The following TNRC6C variants were observed in gnomAD, a reference collection of about 807,000 sequenced individuals.
The protein encoded by TNRC6C is trinucleotide repeat containing adaptor 6C.
TNRC6C carries 20 observed loss-of-function variants against 153.7 expected under a neutral mutation model. The observed-to-expected ratio is 0.13, with a 90% CI of 0.09 to 0.19. TNRC6C has a LOEUF of 0.19. Among genes scored for constraint, TNRC6C ranks in the 10% least tolerant of loss-of-function variants. The pLI is 1.00. For missense variants in TNRC6C, 1,987 were observed against 2,172.0 expected, an observed-to-expected ratio of 0.91 and a Z score of 1.69; for synonymous variants, 811 against 841.4, an observed-to-expected ratio of 0.96 and a Z score of 0.63.
At chr17:78,107,245 G>A (rs1030402746) in exon 20 of TNRC6C, 1 of 152,030 alleles carries the variant, frequency 6.6e-6, no homozygotes, top group African/African-American at 2.4e-5. Context: ...GGGTTTTGTT[G>A]GGTTTGAGGG....
At chr17:78,057,879 T>G (rs895219855) in intron 3 of TNRC6C, among the ~76,000 whole-genome samples, 1 of 152,172 alleles carries the variant, frequency 6.6e-6, no homozygotes, top group Non-Finnish European at 1.5e-5. Flanking sequence ...ACAATCATTT[T>G]TGTCCTATGC....
intron 1 of TNRC6C, chr17:78,011,910 C>T (rs1192837890): frequency 6.6e-6 from 1 of 152,148 alleles, no homozygotes; most frequent in Non-Finnish European, 1.5e-5. Flanking sequence ...ACTAATGTGG[C>T]ACTTTATTTT....
At chr17:78,076,398 A>C (rs1352207386) in intron 8 of TNRC6C, among the ~76,000 whole-genome samples, 5 of 152,206 alleles carry the variant, frequency 3.3e-5, no homozygotes, top group African/African-American at 1.2e-4. Context: ...ACTGAGTTCA[A>C]ACTCAGGATG....
intron 1 of TNRC6C, among the ~76,000 whole-genome samples, chr17:78,029,799 A>G (rs1023754794): frequency 3.8e-5 from 5 of 131,418 alleles, no homozygotes; most frequent in South Asian, 2.5e-4. Context: ...TAAACTTATT[A>G]AAAACCTAGA....
At chr17:78,055,826 A>G (rs1407586883) in intron 3 of TNRC6C, among the ~76,000 whole-genome samples, 1 of 152,100 alleles carries the variant, frequency 6.6e-6, no homozygotes, top group African/African-American at 2.4e-5. Flanking sequence ...GCCTCATTTT[A>G]CAAATGAGAC....
At chr17:78,065,081 C>A (rs1421520567) in intron 4 of TNRC6C, 144 bp downstream of exon 6, 2 of 975,710 alleles carry the variant, frequency 2.0e-6, no homozygotes, top group Non-Finnish European at 1.5e-6. Context: ...AAGCACAGTG[C>A]CTCACACCTA....
At chr17:78,091,589 C>A in exon 14 of TNRC6C, 1 of 1,566,082 alleles carries the variant, frequency 6.4e-7, no homozygotes, top group Non-Finnish European at 8.6e-7. Context: ...CCCCCTGGAG[C>A]AGAACCCTAG....
Position 78,067,748 on chromosome 17 carries a change from T to C in TNRC6C, c.2612-9T>C. The C allele has an allele frequency of 6.2e-7, 1 of 1,600,510 alleles. No individual in the cohort carries two copies. On this transcript the variant is annotated splice_polypyrimidine_tract_variant and intron_variant, in intron 4 of 19. Transcript: ENST00000301624. The stretch of plus-strand genomic sequence containing the variant: ...GAATTTGATAAGTTCATGTTTGCTC[T>C]GTTTCTAGCTTCAAAATCTATGCAA...
At chr17:77,974,746 G>A (rs551376954) in intron 1 of TNRC6C, among the ~76,000 whole-genome samples, 1 of 152,190 alleles carries the variant, frequency 6.6e-6, no homozygotes, top group Non-Finnish European at 1.5e-5. Flanking sequence ...ATTATGTCTT[G>A]TTTCTCTGCT....
intron 16 of TNRC6C, among the ~76,000 whole-genome samples, chr17:78,095,338 A>C (rs1004471893): frequency 6.6e-6 from 1 of 152,202 alleles, no homozygotes; most frequent in African/African-American, 2.4e-5. Flanking sequence ...CTGCCCAGTT[A>C]AGGAGATCAA....
intron 1 of TNRC6C, among the ~76,000 whole-genome samples, chr17:77,963,330 A>G (rs558538832): frequency 6.6e-6 from 1 of 152,344 alleles, no homozygotes; most frequent in African/African-American, 2.4e-5. Context: ...ACAGTTTCCT[A>G]TTGTACAGAT....
At chr17:77,962,114 T>G (rs932136034) in intron 1 of TNRC6C, among the ~76,000 whole-genome samples, 1 of 152,192 alleles carries the variant, frequency 6.6e-6, no homozygotes, top group Middle Eastern at 3.2e-3. Context: ...TGTAACTTAG[T>G]CTTGCTTGGC....
chr17:78,063,848 C>A (rs957810636), intron 3 of TNRC6C, among the ~76,000 whole-genome samples: 1 of 152,138 alleles, frequency 6.6e-6, no homozygotes, highest in East Asian at 1.9e-4. Context: ...TTGCAACTCA[C>A]AAATTTTTCT....
intron 1 of TNRC6C, among the ~76,000 whole-genome samples, chr17:77,998,293 C>T (rs556796464): frequency 1.2e-3 from 176 of 152,276 alleles, no homozygotes; most frequent in African/African-American, 4.2e-3. Context: ...ATTTAGTATA[C>T]GTTATATCCA....
intron 1 of TNRC6C, among the ~76,000 whole-genome samples, chr17:77,982,557 C>T (rs774900592): frequency 3.3e-5 from 5 of 152,170 alleles, no homozygotes; most frequent in Admixed American, 6.5e-5. Context: ...CAAGGCCAGG[C>T]GCGGTGGCTC....
chr17:78,082,891 A>G (rs1298852647), intron 10 of TNRC6C, among the ~76,000 whole-genome samples, 156 bp from the exon 13 acceptor site: 2 of 152,212 alleles, frequency 1.3e-5, no homozygotes, highest in Non-Finnish European at 2.9e-5. Flanking sequence ...TATTTACAAT[A>G]ATCAGGAGCA....
intron 1 of TNRC6C, among the ~76,000 whole-genome samples, chr17:78,027,511 A>G (rs1478843184): frequency 6.6e-6 from 1 of 152,180 alleles, no homozygotes; most frequent in Non-Finnish European, 1.5e-5. Context: ...AAAACAGAGA[A>G]ATACTTGTAA....
At chr17:78,077,301 G>C (rs556135623) in exon 9 of TNRC6C, 6 of 1,581,304 alleles carry the variant, frequency 3.8e-6, no homozygotes, top group Non-Finnish European at 5.2e-6. Flanking sequence ...TTGCCTCCGG[G>C]CTGGGCATGC....
exon 20 of TNRC6C, chr17:78,107,629 A>G (rs1192174790): frequency 6.6e-6 from 1 of 152,202 alleles, no homozygotes; most frequent in Non-Finnish European, 1.5e-5. Context: ...GCTTTATTCT[A>G]TCATTTGCTT....
Sources: gnomAD v4.1 joint callset for allele counts (sites outside exome capture counted in the v4.1 genomes callset) on GRCh38, gnomAD v4.1.1 for gene constraint, MANE v1.5 for transcripts, NCBI Gene and HGNC (gene_info 2026-07-23, HGNC 2026-07-21) for gene names.